Variants in MSRB3 observed in about 807,000 individuals in gnomAD.
MSRB3 encodes the protein methionine sulfoxide reductase B3.
Under a neutral mutation model 21.0 loss-of-function variants are expected in MSRB3, and 13 were observed. The observed-to-expected ratio is 0.62, with a 90% CI of 0.40 to 0.98. The LOEUF (loss-of-function observed/expected upper bound fraction) is 0.98, where lower values mean the gene tolerates loss of function less well. MSRB3 is among the 50% of genes least tolerant of loss of function. MSRB3 has a pLI of 0.00. For missense variants in MSRB3, 199 were observed against 230.3 expected (o/e 0.86, Z 0.88); for synonymous variants, 87 against 88.6 (o/e 0.98, Z 0.10).
At chr12:65,339,709 G>A (rs183800246) in intron 4 of MSRB3, among the ~76,000 whole-genome samples, 1 of 151,978 alleles carries the variant, frequency 6.6e-6, no homozygotes, top group East Asian at 1.9e-4. Flanking sequence ...TTTTAATAAT[G>A]GCTATGTTTA....
chr12:65,403,540 G>T (rs565445155), intron 5 of MSRB3, among the ~76,000 whole-genome samples: 2 of 152,266 alleles, frequency 1.3e-5, no homozygotes, highest in South Asian at 4.2e-4. Flanking sequence ...AACTTGCTGG[G>T]CTCCATTGGG....
chr12:65,453,721 G>T lies in MSRB3; in HGVS notation c.293-7G>T, dbSNP rs1324406858. Reference sequence around the variant, plus strand: ...CTGCTTTGATTCTTGTGCCTGCTGTGTCCCAGGTTGGCCTTCATTCCACGA... The same window carrying T: ...CTGCTTTGATTCTTGTGCCTGCTGTTTCCCAGGTTGGCCTTCATTCCACGA... On this transcript the variant is annotated splice_region_variant and splice_polypyrimidine_tract_variant and intron_variant, in intron 5 of 6. Transcript: ENST00000308259. 1.2e-6 allele frequency: 2 copies of T among 1,611,080 alleles called. No homozygotes were observed. Among genetic ancestry groups the T allele is most frequent in the Non-Finnish European group, 1.7e-6 (2 of 1,177,464 alleles).
At chr12:65,394,870 T>G (rs1261537082) in intron 5 of MSRB3, among the ~76,000 whole-genome samples, 29 of 152,296 alleles carry the variant, frequency 1.9e-4, no homozygotes. Context: ...CTGACAATCT[T>G]TCATGATAAA....
intron 2 of MSRB3, among the ~76,000 whole-genome samples, chr12:65,318,724 A>T (rs546448386): frequency 3.9e-5 from 6 of 152,192 alleles, no homozygotes; most frequent in Non-Finnish European, 8.8e-5. Context: ...CTTTGGATCA[A>T]GACATTTTAA....
intron 5 of MSRB3, among the ~76,000 whole-genome samples, chr12:65,444,105 T>A (rs1283253663): frequency 6.6e-6 from 1 of 152,084 alleles, no homozygotes; most frequent in East Asian, 1.9e-4. Context: ...GAAGCAAACA[T>A]TAATCAAAAA....
intron 4 of MSRB3, among the ~76,000 whole-genome samples, chr12:65,349,056 C>A (rs1418407063): frequency 1.3e-5 from 2 of 152,052 alleles, no homozygotes; most frequent in East Asian, 3.9e-4. Flanking sequence ...TATCCCTCCC[C>A]CTTCTCCCCA....
chr12:65,409,379 G>C (rs1349084828), intron 5 of MSRB3, among the ~76,000 whole-genome samples: 1 of 151,962 alleles, frequency 6.6e-6, no homozygotes. Flanking sequence ...CTACAAATCT[G>C]TATACCATAT....
At position 65,327,044 on chromosome 12, in the gene MSRB3, A is replaced by G. The variant is rs12297244; in HGVS notation, c.185+110A>G. On this transcript the variant is annotated intron_variant, in intron 3 of 6. Transcript: ENST00000308259. ...TTAAAGCATTCTATACTTACTTGCT[A>G]AAGTCTATGAATTAGTATCCTTGAA... The G allele has an allele frequency of 0.013, 9,947 of 787,420 alleles. 647 individuals are homozygous for G. In the African/African-American group the frequency reaches 0.15, roughly 12 times the overall value. The allele number at this position is 787,420 out of a possible 1,614,324, so 48.8% of individuals were successfully genotyped here.
At chr12:65,450,965 T>G (rs1375421707) in intron 5 of MSRB3, among the ~76,000 whole-genome samples, 6 of 151,958 alleles carry the variant, frequency 3.9e-5, no homozygotes. Context: ...TTGATTGTCA[T>G]TAAGTACTTA....
intron 5 of MSRB3, among the ~76,000 whole-genome samples, chr12:65,437,945 C>T (rs575906865): frequency 1.3e-5 from 2 of 151,894 alleles, no homozygotes; most frequent in East Asian, 1.9e-4. Context: ...TTACTGTAGC[C>T]GTTGTGTGAC....
chr12:65,318,589 C>A (rs1438020840), intron 2 of MSRB3, among the ~76,000 whole-genome samples: 2 of 152,100 alleles, frequency 1.3e-5, no homozygotes, highest in South Asian at 2.1e-4. Context: ...GTTTGTCAGA[C>A]GTTTCACATG....
intron 1 of MSRB3, chr12:65,279,586 C>T (rs1307374574): frequency 1.3e-5 from 2 of 152,198 alleles, no homozygotes; most frequent in Non-Finnish European, 2.9e-5. Context: ...TTACACTGGG[C>T]TATTTCGAGT....
intron 1 of MSRB3, among the ~76,000 whole-genome samples, chr12:65,293,427 T>C (rs28471975): frequency 0.061 from 9,261 of 152,232 alleles, 936 homozygotes; most frequent in African/African-American, 0.21. Flanking sequence ...CTTATCATTT[T>C]CTCCCCTGCT....
In MSRB3 at chr12:65,328,588, G is replaced by A. The variant is rs752243879; in HGVS notation, c.248G>A (p.Gly83Glu). 1 of 1,611,276 alleles carries A rather than the reference G, an allele frequency of 6.2e-7. No individual in the cohort carries two copies. Among genetic ancestry groups the A allele is most frequent in the South Asian group, 1.1e-5 (1 of 91,012 alleles). Residue 83 changes from glycine to glutamate, a missense_variant, in exon 4 of 7, where the codon GGA becomes GAA. Gly to Glu is a moderately conservative substitution (Grantham distance 98, BLOSUM62 -2). Coordinates refer to ENST00000308259, the MANE Select transcript of MSRB3 (RefSeq NM_001031679.3). ...GGAATATATAAATGTGTTGTTTGTG[G>A]AACTCCATTGTTTAAGTAAGTATGT... is the stretch of plus-strand genomic sequence containing the variant. ...DPGIYKCVVCGTPLFKSETKF... is the reference protein window; with the variant it reads ...DPGIYKCVVCETPLFKSETKF...
chr12:65,411,581 CT>C (rs1880717765), intron 5 of MSRB3, among the ~76,000 whole-genome samples: 1 of 152,108 alleles, frequency 6.6e-6, no homozygotes, highest in African/African-American at 2.4e-5. Flanking sequence ...ATGAAATTCT[CT>C]TTATAAGCTG....
At chr12:65,459,489 A>G (rs1883227651) in intron 6 of MSRB3, among the ~76,000 whole-genome samples, 1 of 152,196 alleles carries the variant, frequency 6.6e-6, no homozygotes. Context: ...TTTCCTTGGC[A>G]AAAGATTAAT....
intron 5 of MSRB3, chr12:65,419,676 G>A (rs1881175759): frequency 4.1e-6 from 3 of 728,674 alleles, no homozygotes; most frequent in Non-Finnish European, 5.0e-6. Context: ...TCTTCTCCAG[G>A]TGCTCCCAGA....
At chr12:65,415,053 G>A (rs911935133) in intron 5 of MSRB3, among the ~76,000 whole-genome samples, 1 of 152,132 alleles carries the variant, frequency 6.6e-6, no homozygotes, top group Non-Finnish European at 1.5e-5. Flanking sequence ...ACTGGGGAAA[G>A]GCTTTTGTTA....
chr12:65,377,749 A>C (rs1878711206), intron 5 of MSRB3, among the ~76,000 whole-genome samples: 1 of 152,220 alleles, frequency 6.6e-6, no homozygotes, highest in African/African-American at 2.4e-5. Context: ...GCTGCTGGGA[A>C]GTGGCTACAG....
Sources: allele counts gnomAD v4.1 joint callset (sites outside exome capture counted in the v4.1 genomes callset), GRCh38; gene constraint gnomAD v4.1.1; transcripts MANE v1.5; gene names NCBI Gene and HGNC (gene_info 2026-07-23, HGNC 2026-07-21).